CALN1: variants seen among roughly 807,000 people sequenced by gnomAD.
CALN1 encodes the protein calcium-binding protein 8.
Under a neutral mutation model 30.6 loss-of-function variants are expected in CALN1, and 17 were observed. The ratio of observed to expected loss-of-function variants is 0.56; its 90% CI spans 0.38 to 0.83. CALN1 has a LOEUF of 0.83. Ranked by LOEUF, CALN1 falls within the 40% of genes least tolerant of loss-of-function variation. The pLI, the probability that CALN1 is intolerant of heterozygous loss-of-function variation, is 0.00. For missense variants in CALN1, 291 were observed against 354.9 expected (o/e 0.82, Z 1.45); for synonymous variants, 156 against 131.4 (o/e 1.19, Z -1.28).
chr7:72,182,707 G>C (rs1789901309), intron 3 of CALN1, among the ~76,000 whole-genome samples: 1 of 149,550 alleles, frequency 6.7e-6, no homozygotes, highest in African/African-American at 2.5e-5. Context: ...ATTACAGAGT[G>C]AGACTCTGTC....
At chr7:71,823,214 A>C in intron 5 of CALN1, among the ~76,000 whole-genome samples, 1 of 149,918 alleles carries the variant, frequency 6.7e-6, no homozygotes. Flanking sequence ...ACAGGGTCTC[A>C]CTCTGTGGCC....
intron 1 of CALN1, among the ~76,000 whole-genome samples, chr7:72,445,063 C>T (rs1448197795): frequency 1.5e-5 from 1 of 64,684 alleles, no homozygotes; most frequent in African/African-American, 6.3e-5. Context: ...ATTAAACACA[C>T]ACACACACAC....
intron 3 of CALN1, among the ~76,000 whole-genome samples, chr7:72,144,534 A>ACACCC (rs1810205251): frequency 6.6e-6 from 1 of 152,200 alleles, no homozygotes; most frequent in Non-Finnish European, 1.5e-5. Context: ...GGAGAATTTA[A>ACACCC]CACTCCACTG....
chr7:72,060,344 G>C (rs1267407836), intron 4 of CALN1, among the ~76,000 whole-genome samples: 1 of 152,112 alleles, frequency 6.6e-6, no homozygotes, highest in Non-Finnish European at 1.5e-5. Flanking sequence ...AGCTGATACA[G>C]CCAAGGAAAG....
intron 3 of CALN1, among the ~76,000 whole-genome samples, chr7:72,204,454 ATGAT>A (rs1323077204): frequency 6.6e-6 from 1 of 152,220 alleles, no homozygotes; most frequent in Non-Finnish European, 1.5e-5. Context: ...TAATTGACTC[ATGAT>A]TAACACAACC....
chr7:71,790,225 G>A (rs1329473721), intron 6 of CALN1, among the ~76,000 whole-genome samples: 12 of 146,464 alleles, frequency 8.2e-5, no homozygotes, highest in Admixed American at 1.4e-4. Context: ...AAAGGCAGGC[G>A]AAAGAAAGAA....
At chr7:71,865,043 G>C (rs1440389105) in intron 5 of CALN1, among the ~76,000 whole-genome samples, 1 of 151,878 alleles carries the variant, frequency 6.6e-6, no homozygotes, top group Non-Finnish European at 1.5e-5. Flanking sequence ...AGAAAAGCAA[G>C]CAAGCAAGAC....
chr7:71,853,029 C>T (rs780583174), intron 5 of CALN1, among the ~76,000 whole-genome samples: 12 of 151,830 alleles, frequency 7.9e-5, no homozygotes, highest in Non-Finnish European at 1.3e-4. Flanking sequence ...TTGCCTTTTC[C>T]TATTCTTAGT....
At chr7:72,028,694 A>G (rs561635538) in intron 4 of CALN1, among the ~76,000 whole-genome samples, 3 of 152,292 alleles carry the variant, frequency 2.0e-5, no homozygotes, top group African/African-American at 4.8e-5. Flanking sequence ...TTGATTTATA[A>G]TAAGAAATGC....
intron 5 of CALN1, 65 bp downstream of exon 5, chr7:72,023,592 G>A: frequency 8.2e-7 from 1 of 1,215,008 alleles, no homozygotes. Flanking sequence ...CAAGAATTCA[G>A]TCAAAAGTTA....
At chr7:71,789,982 T>TA (rs1315798410) in intron 6 of CALN1, among the ~76,000 whole-genome samples, 4 of 151,878 alleles carry the variant, frequency 2.6e-5, no homozygotes, top group African/African-American at 9.7e-5. Flanking sequence ...TGCATGCCTA[T>TA]AGTCCCAGCT....
At chr7:72,447,094 A>G (rs1245619438), upstream of CALN1, 2 of 161,366 alleles carry the variant, frequency 1.2e-5, no homozygotes, top group African/African-American at 4.8e-5. Flanking sequence ...GGAGTTAAGG[A>G]GAATCTCTAA....
intron 3 of CALN1, among the ~76,000 whole-genome samples, chr7:72,112,243 T>C (rs1036049810): frequency 5.9e-5 from 9 of 152,180 alleles, no homozygotes; most frequent in Admixed American, 1.3e-4. Flanking sequence ...TCGATATTAG[T>C]TGGCTGATGT....
chr7:71,933,725 A>G (rs1393805445), intron 5 of CALN1, among the ~76,000 whole-genome samples: 2 of 152,192 alleles, frequency 1.3e-5, no homozygotes, highest in Admixed American at 1.3e-4. Flanking sequence ...TTAATTCTCT[A>G]TATAAATCTT....
the CALN1 span, among the ~76,000 whole-genome samples, chr7:72,480,089 G>A: frequency 3.9e-5 from 6 of 152,108 alleles, no homozygotes; most frequent in East Asian, 1.9e-4. Flanking sequence ...CTTCCAGTAC[G>A]GATGCCTTTC....
Position 72,205,551 on chromosome 7 carries a change from A to AAATATATACATATATATACAT in CALN1, c.244+73134_244+73135insATGTATATATATGTATATATT. Among the ~76,000 whole-genome samples the AAATATATACATATATATACAT allele has an allele frequency of 8.4e-5, 7 of 83,050 alleles. 1 individual carries two copies. Among genetic ancestry groups the AAATATATACATATATATACAT allele is most frequent in the African/African-American group, 3.7e-4 (5 of 13,412 alleles). 54.5% of individuals were successfully genotyped at this position (83,050 alleles called of 152,430 possible). On this transcript the variant is annotated intron_variant, in intron 3 of 6. Transcript: ENST00000395275. ...ATTTTTCTCCTGATTGCAAAAAAAA[A>AAATATATACATATATATACAT]ATATATATATATATATGTATATATA...
chr7:71,938,159 TG>T (rs1052291774), intron 5 of CALN1, among the ~76,000 whole-genome samples: 1 of 152,162 alleles, frequency 6.6e-6, no homozygotes, highest in Non-Finnish European at 1.5e-5. Flanking sequence ...CATTCTTCCC[TG>T]GGGTGGAAAT....
intron 5 of CALN1, among the ~76,000 whole-genome samples, chr7:71,982,022 T>C (rs1300834937): frequency 6.6e-6 from 1 of 152,194 alleles, no homozygotes; most frequent in East Asian, 1.9e-4. Flanking sequence ...TTCCCTCGCC[T>C]TGCCTTTGGT....
intron 5 of CALN1, among the ~76,000 whole-genome samples, chr7:71,829,242 G>T (rs1373784873): frequency 1.3e-5 from 2 of 152,138 alleles, no homozygotes; most frequent in Admixed American, 6.5e-5. Context: ...ATGTAAGACT[G>T]GGGGAGAGAG....
Sources: allele counts gnomAD v4.1 joint callset (sites outside exome capture counted in the v4.1 genomes callset), GRCh38; gene constraint gnomAD v4.1.1; transcripts MANE v1.5; gene names NCBI Gene and HGNC (gene_info 2026-07-23, HGNC 2026-07-21).